The following MYH15 variants were observed in gnomAD, a reference collection of about 807,000 sequenced individuals.
The protein encoded by MYH15 is myosin-15.
A neutral mutation model predicts 240.5 loss-of-function variants in MYH15; 227 were observed. The observed-to-expected ratio is 0.94, with a 90% CI of 0.85 to 1.05. The LOEUF is 1.05. Ranked by LOEUF, MYH15 falls within the 50% of genes least tolerant of loss-of-function variation. The probability of loss-of-function intolerance (pLI) is 0.00; values close to 1 mark genes in which losing one functional copy is unlikely to be tolerated. For synonymous variants in MYH15, 785 were observed against 796.7 expected (o/e 0.99, Z 0.25); for missense variants, 2,217 against 2,247.5 (o/e 0.99, Z 0.27).
chr3:108,468,266 G>A (rs1389987888), intron 14 of MYH15, among the ~76,000 whole-genome samples: 2 of 152,128 alleles, frequency 1.3e-5, no homozygotes, highest in Non-Finnish European at 2.9e-5. Flanking sequence ...GCACCCAGCT[G>A]ATATAGACTT....
chr3:108,463,543 G>A (rs6781698), intron 15 of MYH15, among the ~76,000 whole-genome samples: 1 of 151,838 alleles, frequency 6.6e-6, no homozygotes, highest in Non-Finnish European at 1.5e-5. Flanking sequence ...CATGTTGCTC[G>A]GTTTGGTCTC....
intron 11 of MYH15, among the ~76,000 whole-genome samples, chr3:108,479,766 G>C (rs2083252185): frequency 6.6e-6 from 1 of 151,048 alleles, no homozygotes; most frequent in Non-Finnish European, 1.5e-5. Context: ...TAAAAAGGTA[G>C]AGAAACTCAA....
intron 18 of MYH15, among the ~76,000 whole-genome samples, chr3:108,457,895 G>A (rs563333341): frequency 8.6e-4 from 131 of 152,160 alleles, no homozygotes; most frequent in Non-Finnish European, 1.5e-3. Context: ...TTAGCCAGGC[G>A]TGGTGGTACA....
At chr3:108,475,230 G>C (rs2083210294) in intron 12 of MYH15, among the ~76,000 whole-genome samples, 2 of 152,038 alleles carry the variant, frequency 1.3e-5, no homozygotes, top group South Asian at 4.2e-4. Flanking sequence ...AGTATCACCT[G>C]AGTACTAGCT....
intron 14 of MYH15, among the ~76,000 whole-genome samples, chr3:108,468,913 A>T (rs1286388578): frequency 6.6e-6 from 1 of 152,204 alleles, no homozygotes; most frequent in Non-Finnish European, 1.5e-5. Context: ...TTTCATTTCT[A>T]ATGAGACAAC....
At chr3:108,530,791 A>G (rs538334699), upstream of MYH15, among the ~76,000 whole-genome samples, 1 of 152,340 alleles carries the variant, frequency 6.6e-6, no homozygotes, top group East Asian at 1.9e-4. Context: ...TACAGCTTAA[A>G]TGAGAAGAAA....
rs1010359570 is a variant in MYH15 at position 108,460,824 on chromosome 3, G to GT, written c.1865-458dup. ...ATGATGACCCTGAGTATGTATACATGTTTTTTTAAGTGCAGCTGTGTTATA... is the reference window on the plus strand; with the variant it reads ...ATGATGACCCTGAGTATGTATACATGTTTTTTTTAAGTGCAGCTGTGTTATA... On this transcript the variant is annotated intron_variant, in intron 16 of 40. Transcript: ENST00000693548. Among the ~76,000 whole-genome samples the GT allele has an allele frequency of 7.9e-5, 12 of 152,106 alleles. No homozygotes were observed. In the East Asian group the frequency reaches 1.4e-3, roughly 17 times the overall value.
intron 12 of MYH15, among the ~76,000 whole-genome samples, chr3:108,473,555 T>A (rs951407663): frequency 2.6e-5 from 4 of 152,174 alleles, no homozygotes; most frequent in Admixed American, 2.6e-4. Flanking sequence ...TTAATCTTTC[T>A]AAGGGTCACT....
chr3:108,501,201 AT>A (rs2083435397), intron 3 of MYH15, among the ~76,000 whole-genome samples: 1 of 152,206 alleles, frequency 6.6e-6, no homozygotes, highest in African/African-American at 2.4e-5. Flanking sequence ...TCTTAGCTTA[AT>A]CTACTCAGCA....
intron 21 of MYH15, among the ~76,000 whole-genome samples, chr3:108,451,200 T>C (rs934343490): frequency 1.3e-5 from 2 of 152,004 alleles, no homozygotes; most frequent in South Asian, 4.2e-4. Flanking sequence ...CTCAAAATGG[T>C]GAAACCTTAT....
chr3:108,503,167 A>C (rs2083451029), intron 2 of MYH15, among the ~76,000 whole-genome samples: 1 of 152,114 alleles, frequency 6.6e-6, no homozygotes, highest in South Asian at 2.1e-4. Context: ...AGCAGGACAA[A>C]ATAAACCACC....
At chr3:108,441,996 C>A (rs889121239) in intron 22 of MYH15, among the ~76,000 whole-genome samples, 11 of 152,336 alleles carry the variant, frequency 7.2e-5, no homozygotes, top group Middle Eastern at 6.8e-3. Context: ...CTTTTTACTA[C>A]AGAGCACCTT....
At chr3:108,400,510 C>T (rs750393193) in intron 33 of MYH15, among the ~76,000 whole-genome samples, 1 of 152,160 alleles carries the variant, frequency 6.6e-6, no homozygotes, top group Non-Finnish European at 1.5e-5. Context: ...AAGCCAGTGT[C>T]CTAAGCTCTG....
At chr3:108,485,924 TA>T (rs1442424879) in intron 10 of MYH15, among the ~76,000 whole-genome samples, 2 of 152,208 alleles carry the variant, frequency 1.3e-5, no homozygotes, top group African/African-American at 4.8e-5. Context: ...AACTTGAGTC[TA>T]ACACTAAGAG....
intron 14 of MYH15, among the ~76,000 whole-genome samples, chr3:108,466,973 A>G (rs1261781736): frequency 6.6e-6 from 1 of 152,186 alleles, no homozygotes; most frequent in Non-Finnish European, 1.5e-5. Flanking sequence ...TATTGGTTTA[A>G]TAAAAAATAA....
Position 108,500,289 on chromosome 3 carries a change from G to GA in MYH15, c.340-16dup. On this transcript the variant is annotated splice_polypyrimidine_tract_variant and intron_variant, in intron 3 of 40. Transcript: ENST00000693548. ...CCTGAATATGTCTGAGGGAAAATCA[G>GA]AAAAGATTTCAGAAACTAGATTAGA... 1 of 1,591,944 alleles carries GA rather than the reference G, an allele frequency of 6.3e-7. No individual in the cohort carries two copies. Among genetic ancestry groups the GA allele is most frequent in the Non-Finnish European group, 8.5e-7 (1 of 1,169,930 alleles).
the MYH15 span, among the ~76,000 whole-genome samples, chr3:108,537,863 G>A: frequency 6.6e-6 from 1 of 152,090 alleles, no homozygotes; most frequent in Admixed American, 6.5e-5. Flanking sequence ...CCACTTCAAG[G>A]TTGGGATAAA....
chr3:108,547,786 C>A, the MYH15 span, among the ~76,000 whole-genome samples: 1 of 152,094 alleles, frequency 6.6e-6, no homozygotes, highest in Non-Finnish European at 1.5e-5. Flanking sequence ...CACTTGGCAA[C>A]CAACCATCAA....
chr3:108,431,317 G>C (rs2082777499), intron 25 of MYH15, among the ~76,000 whole-genome samples: 4 of 152,150 alleles, frequency 2.6e-5, no homozygotes, highest in Admixed American at 2.6e-4. Context: ...ATCTCATCTT[G>C]AATTTCCACA....
Sources: gnomAD v4.1 joint callset for allele counts (sites outside exome capture counted in the v4.1 genomes callset) on GRCh38, gnomAD v4.1.1 for gene constraint, MANE v1.5 for transcripts, NCBI Gene and HGNC (gene_info 2026-07-23, HGNC 2026-07-21) for gene names.